Variants in CDH18 observed in about 807,000 individuals in gnomAD.
The protein encoded by CDH18 is cadherin-18.
CDH18 carries 31 observed loss-of-function variants against 67.9 expected under a neutral mutation model. That is an observed-to-expected ratio of 0.46 (90% CI 0.34 to 0.62). The LOEUF is 0.62. Among genes scored for constraint, CDH18 ranks in the 20% least tolerant of loss-of-function variants. The pLI is 0.01. For synonymous variants in CDH18, 362 were observed against 347.2 expected, an observed-to-expected ratio of 1.04 and a Z score of -0.48; for missense variants, 890 against 975.5, an observed-to-expected ratio of 0.91 and a Z score of 1.17.
chr5:19,870,132 A>G (rs748042202), intron 2 of CDH18, among the ~76,000 whole-genome samples: 37 of 152,158 alleles, frequency 2.4e-4, no homozygotes, highest in Non-Finnish European at 3.8e-4. Context: ...AATAGGTAAG[A>G]GAGATGAGTT....
At chr5:19,896,018 A>AC (rs1428493506) in intron 2 of CDH18, among the ~76,000 whole-genome samples, 1 of 9,362 alleles carries the variant, frequency 1.1e-4, no homozygotes, top group Non-Finnish European at 1.4e-3. Flanking sequence ...TTATTTGGGG[A>AC]AAAAAAAATG....
intron 2 of CDH18, among the ~76,000 whole-genome samples, chr5:19,852,719 T>G (rs1341126392): frequency 6.6e-6 from 1 of 152,074 alleles, no homozygotes; most frequent in Non-Finnish European, 1.5e-5. Flanking sequence ...CTTATTGAGT[T>G]GTCCTGTTCA....
intron 4 of CDH18, among the ~76,000 whole-genome samples, chr5:19,732,787 T>C (rs1457711579): frequency 3.9e-5 from 6 of 152,194 alleles, no homozygotes; most frequent in African/African-American, 1.4e-4. Flanking sequence ...ATATCTGTTA[T>C]CTTCGGCACT....
rs533302158 is a variant in CDH18 at position 19,748,068 on chromosome 5, G to A, written c.229-832C>T. Among the ~76,000 whole-genome samples, 10 of 122,312 alleles carry A rather than the reference G, an allele frequency of 8.2e-5. No homozygotes were observed. In the East Asian group the frequency reaches 2.2e-3, roughly 27 times the overall value. 80.2% of individuals were successfully genotyped at this position (122,312 alleles called of 152,430 possible). ...GCGGAGCTTGCAGTGAGCCGAGATC[G>A]CGCCACTGCACTCCAGGCTGGGAGA... On this transcript the variant is annotated intron_variant, in intron 3 of 12. Coordinates refer to ENST00000382275, the MANE Select transcript of CDH18 (RefSeq NM_004934.5).
chr5:20,047,274 T>C (rs1251082275), intron 2 of CDH18, among the ~76,000 whole-genome samples: 4 of 151,818 alleles, frequency 2.6e-5, no homozygotes, highest in Non-Finnish European at 5.9e-5. Context: ...TGGTAAAAAT[T>C]ATATGGTGAA....
chr5:20,142,850 GA>G (rs1238520490), intron 2 of CDH18, among the ~76,000 whole-genome samples: 2 of 152,142 alleles, frequency 1.3e-5, no homozygotes, highest in Non-Finnish European at 2.9e-5. Context: ...CTAGCCTCCA[GA>G]ACTGTGAAGC....
chr5:20,007,841 A>G (rs1737048848), intron 2 of CDH18, among the ~76,000 whole-genome samples: 1 of 152,090 alleles, frequency 6.6e-6, no homozygotes, highest in Non-Finnish European at 1.5e-5. Context: ...TATAAAATTC[A>G]AATTTCAGTG....
intron 2 of CDH18, among the ~76,000 whole-genome samples, chr5:19,875,454 A>C (rs1320885864): frequency 6.7e-6 from 1 of 148,802 alleles, no homozygotes; most frequent in African/African-American, 2.5e-5. Flanking sequence ...ATCGATCTAT[A>C]GATAGATAGA....
At chr5:20,001,229 A>G (rs543599577) in intron 2 of CDH18, among the ~76,000 whole-genome samples, 198 of 152,262 alleles carry the variant, frequency 1.3e-3, no homozygotes, top group Non-Finnish European at 2.2e-3. Flanking sequence ...TTGCTTTATA[A>G]AAGGACTGCC....
intron 5 of CDH18, among the ~76,000 whole-genome samples, chr5:19,693,383 T>C (rs1762148206): frequency 6.6e-6 from 1 of 152,188 alleles, no homozygotes; most frequent in South Asian, 2.1e-4. Flanking sequence ...TTTAAAAAAT[T>C]CAATTATTAC....
chr5:20,496,266 C>G (rs1396346), intron 1 of CDH18, among the ~76,000 whole-genome samples: 59,629 of 151,922 alleles, frequency 0.39, 13,656 homozygotes, highest in East Asian at 0.56. Flanking sequence ...AACAATTTAT[C>G]TTTAGGTTTC....
chr5:19,622,359 C>T (rs1037164438), intron 5 of CDH18, among the ~76,000 whole-genome samples: 4 of 152,102 alleles, frequency 2.6e-5, no homozygotes, highest in Admixed American at 1.3e-4. Flanking sequence ...TGGCCATTAG[C>T]CCTTAGGATC....
chr5:19,558,398 A>AGT (rs1738836756), intron 8 of CDH18, among the ~76,000 whole-genome samples: 1 of 152,138 alleles, frequency 6.6e-6, no homozygotes, highest in Non-Finnish European at 1.5e-5. Context: ...ATAGATCATT[A>AGT]GTGAGATTAA....
chr5:20,052,524 T>A (rs1410915363), intron 2 of CDH18, among the ~76,000 whole-genome samples: 1 of 152,104 alleles, frequency 6.6e-6, no homozygotes, highest in Non-Finnish European at 1.5e-5. Context: ...TGGGTGCGTG[T>A]ATTCATGGAC....
chr5:19,593,696 T>TTCC (rs1436673465), intron 6 of CDH18, among the ~76,000 whole-genome samples: 575 of 16,768 alleles, frequency 0.034, 29 homozygotes, highest in Admixed American at 0.043. Context: ...TCTCTTCCTC[T>TTCC]TCCTCCTCCT....
intron 1 of CDH18, among the ~76,000 whole-genome samples, chr5:20,392,043 A>C (rs1744908530): frequency 6.6e-6 from 1 of 152,004 alleles, no homozygotes; most frequent in African/African-American, 2.4e-5. Context: ...TTGCAATGGC[A>C]AAATTTATTG....
chr5:19,784,281 A>T (rs1775460517), intron 3 of CDH18, among the ~76,000 whole-genome samples: 1 of 152,198 alleles, frequency 6.6e-6, no homozygotes, highest in African/African-American at 2.4e-5. Flanking sequence ...ACTTGGAATC[A>T]TCTAGAAAAG....
chr5:19,735,396 A>ATT (rs34913380), intron 4 of CDH18, among the ~76,000 whole-genome samples: 1 of 105,082 alleles, frequency 9.5e-6, no homozygotes, highest in Non-Finnish European at 2.1e-5. Flanking sequence ...ATGATATTGG[A>ATT]TTTTTTTTTT....
At chr5:20,037,076 A>G (rs1409227298) in intron 2 of CDH18, among the ~76,000 whole-genome samples, 1 of 152,016 alleles carries the variant, frequency 6.6e-6, no homozygotes, top group East Asian at 1.9e-4. Flanking sequence ...CCAATTTGCA[A>G]GTCTGTGTCT....
Sources: allele counts gnomAD v4.1 joint callset (sites outside exome capture counted in the v4.1 genomes callset), GRCh38; gene constraint gnomAD v4.1.1; transcripts MANE v1.5; gene names NCBI Gene and HGNC (gene_info 2026-07-23, HGNC 2026-07-21).